The following ZNF565 variants were observed in gnomAD, a reference collection of about 807,000 sequenced individuals.
The protein encoded by ZNF565 is zinc finger protein 565.
A neutral mutation model predicts 39.4 loss-of-function variants in ZNF565; 27 were observed. The observed-to-expected ratio is 0.69, with a 90% CI of 0.51 to 0.95. The LOEUF (loss-of-function observed/expected upper bound fraction) is 0.95. Ranked by LOEUF, ZNF565 falls within the 40% of genes least tolerant of loss-of-function variation. The probability of loss-of-function intolerance (pLI) is 0.00; values close to 1 mark genes in which losing one functional copy is unlikely to be tolerated. For synonymous variants in ZNF565, 185 were observed against 216.6 expected, an observed-to-expected ratio of 0.85 and a Z score of 1.28; for missense variants, 524 against 621.1, an observed-to-expected ratio of 0.84 and a Z score of 1.66.
intron 1 of ZNF565, chr19:36,236,299 C>T (rs1977641789): frequency 3.0e-6 from 3 of 983,998 alleles, no homozygotes; most frequent in African/African-American, 1.6e-5. Flanking sequence ...TTATCCCTTA[C>T]TCTGCATTTG....
chr19:36,217,903 T>A (rs559376572), upstream of ZNF565, among the ~76,000 whole-genome samples: 248 of 141,306 alleles, frequency 1.8e-3, 1 homozygote, highest in Middle Eastern at 3.7e-3. Flanking sequence ...AAAAAAAAAA[T>A]TCAAAAGATA....
intron 1 of ZNF565, chr19:36,213,323 C>T (rs1976437539): frequency 6.6e-6 from 1 of 152,328 alleles, no homozygotes; most frequent in South Asian, 2.1e-4. Context: ...ATCCTCCCAC[C>T]TCAGCTTCCC....
chr19:36,244,516 G>A (rs1977847494), intron 1 of ZNF565, among the ~76,000 whole-genome samples: 1 of 151,450 alleles, frequency 6.6e-6, no homozygotes, highest in Non-Finnish European at 1.5e-5. Context: ...ACTCCGACCT[G>A]GGCAACAGAG....
chr19:36,194,840 T>C, intron 3 of ZNF565, 190 bp downstream of exon 3: 1 of 822,636 alleles, frequency 1.2e-6, no homozygotes, highest in South Asian at 1.5e-5. Context: ...CTCTCCCTCC[T>C]TTGACCCAGG....
chr19:36,222,487 A>C (rs1297239662), intron 1 of ZNF565, among the ~76,000 whole-genome samples: 1 of 152,100 alleles, frequency 6.6e-6, no homozygotes, highest in African/African-American at 2.4e-5. Context: ...AAGTACTTAC[A>C]CTCCCACAAG....
intron 1 of ZNF565, among the ~76,000 whole-genome samples, chr19:36,244,463 G>A (rs948374537): frequency 6.6e-6 from 1 of 152,190 alleles, no homozygotes; most frequent in Non-Finnish European, 1.5e-5. Context: ...TAGGAGAATT[G>A]CTTGAACCTG....
At chr19:36,237,562 TA>T in intron 1 of ZNF565, 1 of 346,474 alleles carries the variant, frequency 2.9e-6, no homozygotes, top group Non-Finnish European at 5.3e-6. Flanking sequence ...ACATTTTCAC[TA>T]AAAGTGGGAA....
At chr19:36,219,585 C>T (rs1410330458), upstream of ZNF565, among the ~76,000 whole-genome samples, 2 of 152,068 alleles carry the variant, frequency 1.3e-5, no homozygotes, top group Non-Finnish European at 2.9e-5. Flanking sequence ...AAATTGCATA[C>T]CATTAGGAGA....
chr19:36,191,743 C>T (rs1975553070), intron 4 of ZNF565, among the ~76,000 whole-genome samples: 1 of 152,112 alleles, frequency 6.6e-6, no homozygotes, highest in South Asian at 2.1e-4. Context: ...ACAGTTCTTC[C>T]TTATTGAAGA....
rs1232398523 is a variant in ZNF565, at chr19:36,214,593, G to GCCCCGC, written c.-66+23_-66+28dup. 2.6e-5 allele frequency: 4 copies of GCCCCGC among 152,994 alleles called. No homozygotes were observed. The Admixed American group carries it at 2.6e-4, about 10-fold the overall frequency. The allele number at this position is 152,994 out of a possible 1,614,324, so 9.5% of individuals were successfully genotyped here. A position where few individuals can be genotyped will look rare whatever the true frequency, so the allele number is the denominator to read the frequency against. On this transcript the variant is annotated intron_variant, in intron 1 of 4. Transcript: ENST00000304116. ...GATTCGAGGCTCCGGACACGCCCCG[G>GCCCCGC]CCCCGCCCAGGACTCCCAGACCCCT... is the stretch of plus-strand genomic sequence containing the variant.
At chr19:36,235,079 C>T (rs185025294) in intron 1 of ZNF565, among the ~76,000 whole-genome samples, 1 of 151,974 alleles carries the variant, frequency 6.6e-6, no homozygotes, top group East Asian at 1.9e-4. Flanking sequence ...TATGGTGGTG[C>T]ACACCTGTAA....
upstream of ZNF565, among the ~76,000 whole-genome samples, chr19:36,216,455 A>G (rs1976608701): frequency 6.6e-6 from 1 of 152,110 alleles, no homozygotes; most frequent in African/African-American, 2.4e-5. Flanking sequence ...AGCCTGGCCA[A>G]CATGGTGAAA....
chr19:36,182,461 GCTTT>G lies in ZNF565; in HGVS notation c.*1_*4del. 6.5e-7 allele frequency: 1 copy of G among 1,546,512 alleles called. No individual in the cohort carries two copies. The highest frequency in any genetic ancestry group is 8.7e-7 in the Non-Finnish European group (1 of 1,148,264). On this transcript the variant is annotated 3_prime_UTR_variant, in exon 5 of 5. Coordinates refer to ENST00000304116, the MANE Select transcript of ZNF565 (RefSeq NM_152477.5). ...CTTATCTTTATCCCTTACACTCAAG[GCTTT>G]CTAACCAGTATGAATTCTGTAGTGT...
intron 1 of ZNF565, among the ~76,000 whole-genome samples, chr19:36,226,477 G>C (rs1977072326): frequency 6.6e-6 from 1 of 152,174 alleles, no homozygotes; most frequent in African/African-American, 2.4e-5. Context: ...AGTTGGAATA[G>C]TACAGAGAAG....
At chr19:36,239,469 C>A (rs769585542) in intron 1 of ZNF565, among the ~76,000 whole-genome samples, 8 of 151,398 alleles carry the variant, frequency 5.3e-5, no homozygotes, top group African/African-American at 1.9e-4. Context: ...ACTACAGGCA[C>A]GCACCACTAT....
intron 1 of ZNF565, chr19:36,236,892 T>C (rs1156644325): frequency 1.9e-6 from 3 of 1,614,130 alleles, no homozygotes; most frequent in South Asian, 1.1e-5. Context: ...AAAATCCATA[T>C]TGGAGAGAAG....
chr19:36,217,912 T>TA (rs1976679611), upstream of ZNF565, among the ~76,000 whole-genome samples: 4 of 150,544 alleles, frequency 2.7e-5, no homozygotes, highest in African/African-American at 7.3e-5. Context: ...ATTCAAAAGA[T>TA]ACATACGAAA....
chr19:36,194,331 G>A lies in ZNF565; in HGVS notation c.137-3C>T, dbSNP rs1295281376. The stretch of plus-strand genomic sequence containing the variant: ...ATCAGGCTTAGAAATGGAGAGTCCT[G>A]TTTACAGGAAAAGAAATGGGGTGTG... On this transcript the variant is annotated splice_region_variant and splice_polypyrimidine_tract_variant and intron_variant, in intron 3 of 4. Coordinates refer to ENST00000304116, the MANE Select transcript of ZNF565 (RefSeq NM_152477.5). The A allele has an allele frequency of 1.9e-6, 3 of 1,605,688 alleles. No individual in the cohort carries two copies. The South Asian group carries it at 3.3e-5, about 18-fold the overall frequency.
At chr19:36,189,339 A>T (rs527881818) in intron 4 of ZNF565, among the ~76,000 whole-genome samples, 1 of 151,100 alleles carries the variant, frequency 6.6e-6, no homozygotes, top group Non-Finnish European at 1.5e-5. Context: ...TTTGAGACAG[A>T]GTCTCGCTCT....
Sources: allele counts gnomAD v4.1 joint callset (sites outside exome capture counted in the v4.1 genomes callset), GRCh38; gene constraint gnomAD v4.1.1; transcripts MANE v1.5; gene names NCBI Gene and HGNC (gene_info 2026-07-23, HGNC 2026-07-21).